Variants in GSS observed in about 807,000 individuals in gnomAD.
GSS encodes the protein GSH synthetase.
In GSS, 34 loss-of-function variants were observed where a neutral mutation model predicts 60.4. That is an observed-to-expected ratio of 0.56 (90% CI 0.43 to 0.75). The LOEUF (loss-of-function observed/expected upper bound fraction) is 0.75. GSS is among the 30% of genes least tolerant of loss of function. GSS has a pLI of 0.00. For synonymous variants in GSS, 224 were observed against 239.0 expected, an observed-to-expected ratio of 0.94 and a Z score of 0.58; for missense variants, 499 against 595.1, an observed-to-expected ratio of 0.84 and a Z score of 1.68.
intron 8 of GSS, among the ~76,000 whole-genome samples, chr20:34,936,427 G>A (rs1416385405): frequency 1.3e-5 from 2 of 152,176 alleles, no homozygotes. Context: ...ATCACAGCAT[G>A]AGCCAGCTGC....
intron 1 of GSS, chr20:34,952,861 T>A (rs1384633574): frequency 6.6e-6 from 1 of 152,224 alleles, no homozygotes; most frequent in African/African-American, 2.4e-5. Flanking sequence ...GGGAGGGAGC[T>A]CTTTGTGGAA....
At chr20:34,941,870 T>A in intron 5 of GSS, 41 bp from the exon 6 acceptor site, 1 of 1,098,660 alleles carries the variant, frequency 9.1e-7, no homozygotes, top group Non-Finnish European at 1.4e-6. Flanking sequence ...TGGATGGACC[T>A]GGAAGACCCC....
At chr20:34,933,594 A>G (rs114159985) in intron 9 of GSS, 1 of 153,000 alleles carries the variant, frequency 6.5e-6, no homozygotes, top group African/African-American at 2.4e-5. Context: ...CTCTCCTGTG[A>G]CCCCCACCCA....
chr20:34,943,959 G>A (rs1052014631), intron 3 of GSS, among the ~76,000 whole-genome samples: 2 of 152,208 alleles, frequency 1.3e-5, no homozygotes, highest in African/African-American at 4.8e-5. Flanking sequence ...TTGAGATTCA[G>A]GGTGGATTCT....
In GSS at chr20:34,931,935, G is replaced by A. The variant is rs761193810; in HGVS notation, c.1029+4C>T. On this transcript the variant is annotated splice_donor_region_variant and intron_variant, in intron 10 of 12. Coordinates refer to ENST00000651619, the MANE Select transcript of GSS (RefSeq NM_000178.4). ...GTGGTAGGAGAAACAGGCTGCCCAC[G>A]TACCACATCCAGTGAGTAGAGGCCA... is the stretch of plus-strand genomic sequence containing the variant. 26 of 1,613,088 alleles carry A rather than the reference G, an allele frequency of 1.6e-5. No homozygotes were observed. The highest frequency in any genetic ancestry group is 5.3e-5 in the African/African-American group (4 of 74,904).
chr20:34,945,099 C>T (rs1388311724), intron 3 of GSS, among the ~76,000 whole-genome samples: 1 of 151,634 alleles, frequency 6.6e-6, no homozygotes, highest in Non-Finnish European at 1.5e-5. Context: ...TGGCTTACTG[C>T]AGCCTCTGCC....
At chr20:34,945,882 C>A (rs771249324) in intron 3 of GSS, 71 bp downstream of exon 3, 1 of 1,523,010 alleles carries the variant, frequency 6.6e-7, no homozygotes, top group African/African-American at 1.4e-5. Flanking sequence ...AGTAACACCT[C>A]ACGGCTCTGC....
At chr20:34,942,421 G>A in intron 5 of GSS, 67 bp downstream of exon 5, 2 of 1,456,890 alleles carry the variant, frequency 1.4e-6, no homozygotes, top group Non-Finnish European at 1.9e-6. Context: ...CCCTGGCCTA[G>A]CCAGTGACTG....
intron 3 of GSS, 24 bp downstream of exon 3, chr20:34,945,929 C>T (rs2081517861): frequency 6.2e-7 from 1 of 1,613,170 alleles, no homozygotes; most frequent in African/African-American, 1.3e-5. Flanking sequence ...GCTCCTGGCC[C>T]CCCAATGCTT....
chr20:34,940,866 T>A (rs1045497366), intron 6 of GSS, among the ~76,000 whole-genome samples: 8 of 152,220 alleles, frequency 5.3e-5, no homozygotes, highest in African/African-American at 1.9e-4. Context: ...AGTCAAAGCT[T>A]ATGCATTTAC....
intron 4 of GSS, 87 bp from the exon 5 acceptor site, chr20:34,942,714 T>G: frequency 3.8e-6 from 5 of 1,308,510 alleles, no homozygotes; most frequent in African/African-American, 1.4e-5. Context: ...CCATGAACTC[T>G]ACACAGAGAT....
intron 3 of GSS, among the ~76,000 whole-genome samples, chr20:34,944,533 T>C (rs1359565013): frequency 6.6e-6 from 1 of 152,210 alleles, no homozygotes; most frequent in Non-Finnish European, 1.5e-5. Context: ...TAAAAGATTT[T>C]GTCTCCAACA....
chr20:34,947,655 C>T (rs750367047), intron 2 of GSS, among the ~76,000 whole-genome samples: 1 of 151,896 alleles, frequency 6.6e-6, no homozygotes, highest in Non-Finnish European at 1.5e-5. Context: ...CTACATTGTG[C>T]TTTTTAAATA....
chr20:34,943,463 G>A (rs376188637), intron 3 of GSS, among the ~76,000 whole-genome samples: 2 of 152,054 alleles, frequency 1.3e-5, no homozygotes, highest in East Asian at 1.9e-4. Context: ...TACCCTCTGC[G>A]ACCTCCCAGG....
intron 6 of GSS, among the ~76,000 whole-genome samples, chr20:34,938,330 T>A (rs570896653): frequency 6.6e-6 from 1 of 152,342 alleles, no homozygotes; most frequent in South Asian, 2.1e-4. Context: ...CCTCTTAGTC[T>A]AAACTCTGTT....
intron 12 of GSS, 121 bp from the exon 13 acceptor site, chr20:34,929,072 T>TA: frequency 8.2e-7 from 1 of 1,224,498 alleles, no homozygotes; most frequent in Admixed American, 1.7e-5. Context: ...GCTAGGATTT[T>TA]AGAGTCTCTA....
chr20:34,942,930 C>G lies in GSS; in HGVS notation c.351+1G>C, dbSNP rs773779413. ...ACTGGAGTAGGGCTGGGAATGGTTA[C>G]CTGGGCAATGCCCTCTTTTAGGACT... On this transcript the variant is annotated splice_donor_variant, in intron 4 of 12. Coordinates refer to ENST00000651619, the MANE Select transcript of GSS (RefSeq NM_000178.4). LOFTEE classifies it high-confidence loss of function. The G allele has an allele frequency of 1.3e-6, 2 of 1,592,682 alleles. No homozygotes were observed. The highest frequency in any genetic ancestry group is 4.5e-5 in the East Asian group (2 of 44,776).
chr20:34,932,065 C>A lies in GSS; in HGVS notation c.903G>T (p.Leu301=). The part of the protein sequence containing the change: ...AAKCPDIATQ[L]AGTKKVQQEL... The stretch of plus-strand genomic sequence containing the variant: ...CCTGCTGCACCTTCTTAGTCCCAGC[C>A]AGCTGGGTGGCAATGTCTGGGCACT... The change falls in exon 10 of 13, where the codon CTG becomes CTT. Residue 301 remains leucine, a synonymous_variant. Transcript: ENST00000651619. 1 of 1,614,124 alleles carries A rather than the reference C, an allele frequency of 6.2e-7. No individual in the cohort carries two copies.
At chr20:34,929,050 T>G in intron 12 of GSS, 99 bp from the exon 13 acceptor site, 1 of 1,435,686 alleles carries the variant, frequency 7.0e-7, no homozygotes, top group Non-Finnish European at 9.8e-7. Context: ...TAACTGTCTA[T>G]ACCAAGAAAG....
Sources: gnomAD v4.1 joint callset for allele counts (sites outside exome capture counted in the v4.1 genomes callset) on GRCh38, gnomAD v4.1.1 for gene constraint, MANE v1.5 for transcripts, NCBI Gene and HGNC (gene_info 2026-07-23, HGNC 2026-07-21) for gene names.